PDZRN4: variants seen among roughly 807,000 people sequenced by gnomAD.
PDZRN4 encodes the protein PDZ domain containing ring finger 4, also known as PDZ domain-containing RING finger protein 4.
PDZRN4 carries 70 observed loss-of-function variants against 99.0 expected under a neutral mutation model. The observed-to-expected ratio is 0.71, with a 90% CI of 0.58 to 0.86. The LOEUF (loss-of-function observed/expected upper bound fraction) is 0.86. Among genes scored for constraint, PDZRN4 ranks in the 40% least tolerant of loss-of-function variants. The probability of loss-of-function intolerance (pLI) is 0.00; values close to 1 mark genes in which losing one functional copy is unlikely to be tolerated. For missense variants in PDZRN4, 1,474 were observed against 1,331.2 expected (o/e 1.11, Z -1.67); for synonymous variants, 551 against 501.6 (o/e 1.10, Z -1.32).
At chr12:41,448,058 A>G (rs935922983) in intron 3 of PDZRN4, among the ~76,000 whole-genome samples, 1 of 152,110 alleles carries the variant, frequency 6.6e-6, no homozygotes. Context: ...TCATTTTAGT[A>G]ACTTCAGTGA....
chr12:41,386,146 T>G (rs10785259), intron 3 of PDZRN4, among the ~76,000 whole-genome samples: 79,968 of 152,010 alleles, frequency 0.53, 21,812 homozygotes, highest in African/African-American at 0.7. Flanking sequence ...AATAAACTAG[T>G]TATTCAGGAA....
intron 3 of PDZRN4, among the ~76,000 whole-genome samples, chr12:41,474,321 G>A (rs1262162016): frequency 1.3e-5 from 2 of 152,154 alleles, no homozygotes; most frequent in South Asian, 2.1e-4. Context: ...TCTTGTCAAA[G>A]GCTATATTTT....
At chr12:41,297,702 T>C (rs12367252) in intron 3 of PDZRN4, among the ~76,000 whole-genome samples, 2,587 of 152,280 alleles carry the variant, frequency 0.017, 32 homozygotes, top group Non-Finnish European at 0.027. Flanking sequence ...TTCCTTCCTC[T>C]TCCTTCTCCA....
intron 3 of PDZRN4, among the ~76,000 whole-genome samples, chr12:41,330,290 G>A (rs528047308): frequency 6.6e-6 from 1 of 152,032 alleles, no homozygotes; most frequent in Admixed American, 6.6e-5. Flanking sequence ...AGAAGAAAGA[G>A]TTATCTTGAC....
At chr12:41,397,669 C>T (rs1952259078) in intron 3 of PDZRN4, among the ~76,000 whole-genome samples, 1 of 152,080 alleles carries the variant, frequency 6.6e-6, no homozygotes, top group Non-Finnish European at 1.5e-5. Context: ...TAAGAGCCCA[C>T]ATTTTGTTTT....
intron 3 of PDZRN4, among the ~76,000 whole-genome samples, chr12:41,452,116 C>CAAAA (rs34095768): frequency 6.4e-4 from 92 of 142,828 alleles, no homozygotes; most frequent in African/African-American, 2.1e-3. Context: ...GAATAAGAGA[C>CAAAA]AAAAAAAAAA....
intron 5 of PDZRN4, among the ~76,000 whole-genome samples, chr12:41,550,474 C>A (rs1939033876): frequency 6.6e-6 from 1 of 152,120 alleles, no homozygotes; most frequent in Non-Finnish European, 1.5e-5. Flanking sequence ...GTCAAGTATT[C>A]TTTCCCTCTG....
At chr12:41,381,986 C>G (rs763269069) in intron 3 of PDZRN4, among the ~76,000 whole-genome samples, 10 of 152,148 alleles carry the variant, frequency 6.6e-5, no homozygotes, top group Non-Finnish European at 1.2e-4. Flanking sequence ...CGTCCATGCT[C>G]TCAGTTTAGG....
intron 4 of PDZRN4, among the ~76,000 whole-genome samples, chr12:41,507,029 A>G (rs1938219980): frequency 6.6e-6 from 1 of 152,108 alleles, no homozygotes; most frequent in Admixed American, 6.5e-5. Context: ...AACACTGGTC[A>G]GGGAAATCAC....
At chr12:41,201,784 T>C (rs939587297) in intron 3 of PDZRN4, among the ~76,000 whole-genome samples, 1 of 152,150 alleles carries the variant, frequency 6.6e-6, no homozygotes, top group African/African-American at 2.4e-5. Flanking sequence ...AGTTGTAAGA[T>C]CTCGAAAATC....
At chr12:41,439,352 C>G (rs2120462954) in intron 3 of PDZRN4, among the ~76,000 whole-genome samples, 1 of 152,236 alleles carries the variant, frequency 6.6e-6, no homozygotes, top group South Asian at 2.1e-4. Context: ...AGGTGGAACA[C>G]TTTCCTTAGT....
intron 3 of PDZRN4, among the ~76,000 whole-genome samples, chr12:41,474,968 A>G (rs1953026514): frequency 6.6e-6 from 1 of 152,206 alleles, no homozygotes; most frequent in Admixed American, 6.5e-5. Flanking sequence ...CCCAGGCTGG[A>G]AAATGCAAGT....
chr12:41,546,463 A>G (rs1938953977), intron 5 of PDZRN4, among the ~76,000 whole-genome samples: 1 of 152,216 alleles, frequency 6.6e-6, no homozygotes, highest in Non-Finnish European at 1.5e-5. Context: ...GTGAAAAATC[A>G]TGATACATAC....
chr12:41,429,727 T>C (rs1309960754), intron 3 of PDZRN4, among the ~76,000 whole-genome samples: 1 of 149,980 alleles, frequency 6.7e-6, no homozygotes, highest in Admixed American at 6.7e-5. Flanking sequence ...ATGTGGGAAT[T>C]AAATACAATG....
chr12:41,263,051 A>C (rs1405811163), intron 3 of PDZRN4, among the ~76,000 whole-genome samples: 1 of 152,100 alleles, frequency 6.6e-6, no homozygotes, highest in Non-Finnish European at 1.5e-5. Context: ...CTCATGCTTA[A>C]GGTAACTTCA....
intron 3 of PDZRN4, among the ~76,000 whole-genome samples, chr12:41,471,593 C>T (rs1480066578): frequency 1.3e-5 from 2 of 148,952 alleles, no homozygotes; most frequent in African/African-American, 4.9e-5. Flanking sequence ...TTGAATAGAC[C>T]ATTTGATGAT....
chr12:41,255,093 T>C (rs953686274), intron 3 of PDZRN4, among the ~76,000 whole-genome samples: 2 of 151,318 alleles, frequency 1.3e-5, no homozygotes, highest in African/African-American at 4.9e-5. Context: ...AACGAAAGAG[T>C]TGGCTCCCTG....
intron 3 of PDZRN4, among the ~76,000 whole-genome samples, chr12:41,493,903 G>GT (rs1937941677): frequency 1.3e-5 from 1 of 78,980 alleles, no homozygotes; most frequent in East Asian, 3.9e-4. Flanking sequence ...AAAAATAATG[G>GT]GGGGGGGGAT....
rs755807317 is a variant in PDZRN4 at position 41,506,441 on chromosome 12, C to T, written c.844-15C>T. On this transcript the variant is annotated splice_polypyrimidine_tract_variant and intron_variant, in intron 3 of 9. Coordinates refer to ENST00000402685, the MANE Select transcript of PDZRN4 (RefSeq NM_001164595.2). ...TCTTTCCTCTGAGATGAACAATGTC[C>T]TTATATGTTTGTAGGTCAATGGGAA... is the stretch of plus-strand genomic sequence containing the variant. 1.9e-6 allele frequency: 3 copies of T among 1,599,798 alleles called. No individual in the cohort carries two copies. Among genetic ancestry groups the T allele is most frequent in the Non-Finnish European group, 2.6e-6 (3 of 1,172,908 alleles).
Sources: allele counts gnomAD v4.1 joint callset (sites outside exome capture counted in the v4.1 genomes callset), GRCh38; gene constraint gnomAD v4.1.1; transcripts MANE v1.5; gene names NCBI Gene and HGNC (gene_info 2026-07-23, HGNC 2026-07-21).